Variants in UQCC1 observed in about 807,000 individuals in gnomAD.
UQCC1 encodes bFGF-repressed Zic-binding protein.
A neutral mutation model predicts 48.0 loss-of-function variants in UQCC1; 38 were observed. The ratio of observed to expected loss-of-function variants is 0.79; its 90% CI spans 0.61 to 1.04. The LOEUF is 1.04. Among genes scored for constraint, UQCC1 ranks in the 50% least tolerant of loss-of-function variants. UQCC1 has a pLI of 0.00. For synonymous variants in UQCC1, 111 were observed against 129.2 expected, an observed-to-expected ratio of 0.86 and a Z score of 0.95; for missense variants, 368 against 381.8, an observed-to-expected ratio of 0.96 and a Z score of 0.30.
intron 1 of UQCC1, among the ~76,000 whole-genome samples, chr20:35,407,953 C>A (rs570428299): frequency 2.3e-3 from 350 of 152,086 alleles, no homozygotes; most frequent in African/African-American, 8.3e-3. Flanking sequence ...ACTCAGGAGG[C>A]AGAGGTTGCG....
In UQCC1 at chr20:35,366,655, A is replaced by C. The variant is rs374058744; in HGVS notation, c.407-41T>G. On this transcript the variant is annotated intron_variant, in intron 5 of 9. Transcript: ENST00000374385. ...AAGGTATAAGTATGTGAGGGTTTAA[A>C]GGAAGCATATTGACCATATATTAAA... is the stretch of plus-strand genomic sequence containing the variant. 3 of 1,543,278 alleles carry C rather than the reference A, an allele frequency of 1.9e-6. No individual in the cohort carries two copies. The South Asian group carries it at 3.4e-5, about 17-fold the overall frequency.
intron 1 of UQCC1, among the ~76,000 whole-genome samples, chr20:35,397,627 A>C (rs1392725468): frequency 1.3e-5 from 2 of 152,080 alleles, no homozygotes; most frequent in African/African-American, 4.8e-5. Flanking sequence ...TATAACAACT[A>C]TTTACATAGC....
At chr20:35,319,223 G>T (rs1334922165) in intron 7 of UQCC1, among the ~76,000 whole-genome samples, 5 of 152,188 alleles carry the variant, frequency 3.3e-5, no homozygotes, top group South Asian at 2.1e-4. Flanking sequence ...AAATCAGAGG[G>T]TTAAATGATG....
At chr20:35,373,224 C>T (rs2061754471) in intron 5 of UQCC1, among the ~76,000 whole-genome samples, 1 of 152,140 alleles carries the variant, frequency 6.6e-6, no homozygotes, top group Non-Finnish European at 1.5e-5. Context: ...TTTTGGAAAG[C>T]AATTTATCAA....
intron 4 of UQCC1, among the ~76,000 whole-genome samples, chr20:35,375,643 A>G (rs901124617): frequency 2.0e-5 from 3 of 152,202 alleles, no homozygotes; most frequent in Non-Finnish European, 4.4e-5. Flanking sequence ...TGAAACAGGA[A>G]GATAAAATAC....
chr20:35,396,053 C>T (rs2062074292), intron 1 of UQCC1, among the ~76,000 whole-genome samples: 1 of 147,000 alleles, frequency 6.8e-6, no homozygotes, highest in Admixed American at 7.1e-5. Flanking sequence ...GCCATGATCC[C>T]AGCTCATTGC....
Position 35,371,622 on chromosome 20 carries a change from G to A in UQCC1, c.406+2562C>T, listed in dbSNP as rs755937210. Among the ~76,000 whole-genome samples, 121 of 146,780 alleles carry A rather than the reference G, an allele frequency of 8.2e-4. 1 individual carries two copies. Among genetic ancestry groups the A allele is most frequent in the Non-Finnish European group, 7.0e-4 (47 of 67,058 alleles). On this transcript the variant is annotated intron_variant, in intron 5 of 9. Transcript: ENST00000374385. ...GCTGGGATTACAGGCGTGAGCCACC[G>A]CGCCCAGCCTGAGGATGAGGTTTTA...
At chr20:35,313,374 T>TAA (rs1182863735) in intron 8 of UQCC1, among the ~76,000 whole-genome samples, 597 of 45,338 alleles carry the variant, frequency 0.013, 22 homozygotes, top group African/African-American at 0.034. Flanking sequence ...AGACTCTGTC[T>TAA]AAAAAAAAAA....
chr20:35,324,866 T>G (rs2061174718), intron 7 of UQCC1, among the ~76,000 whole-genome samples: 1 of 152,168 alleles, frequency 6.6e-6, no homozygotes, highest in Non-Finnish European at 1.5e-5. Flanking sequence ...AAGCGGGAAT[T>G]GGAACTGATA....
intron 6 of UQCC1, among the ~76,000 whole-genome samples, chr20:35,352,586 A>G (rs61706804): frequency 0.014 from 2,198 of 152,376 alleles, 50 homozygotes; most frequent in African/African-American, 0.049. Flanking sequence ...GAGTGGTCCC[A>G]TAAGATTATA....
chr20:35,411,594 GAC>G (rs763596842), intron 1 of UQCC1, among the ~76,000 whole-genome samples: 1 of 152,162 alleles, frequency 6.6e-6, no homozygotes, highest in Non-Finnish European at 1.5e-5. Flanking sequence ...ATGCATCAGT[GAC>G]AGTCAGGGAC....
intron 7 of UQCC1, among the ~76,000 whole-genome samples, chr20:35,321,963 G>A (rs1456441773): frequency 6.6e-6 from 1 of 152,178 alleles, no homozygotes; most frequent in Non-Finnish European, 1.5e-5. Flanking sequence ...GAAAACATGA[G>A]AACACATAAT....
chr20:35,323,201 T>A (rs974121930), intron 7 of UQCC1, among the ~76,000 whole-genome samples: 1 of 152,222 alleles, frequency 6.6e-6, no homozygotes, highest in African/African-American at 2.4e-5. Context: ...ATGAGTCATA[T>A]GAGAAATGGA....
intron 1 of UQCC1, among the ~76,000 whole-genome samples, chr20:35,406,462 G>T (rs6088823): frequency 0.52 from 79,509 of 152,038 alleles, 22,460 homozygotes; most frequent in East Asian, 0.71. Flanking sequence ...TCAAAACAAG[G>T]AAAGACAAAG....
At chr20:35,363,936 T>C (rs1568683451) in intron 6 of UQCC1, among the ~76,000 whole-genome samples, 1 of 151,922 alleles carries the variant, frequency 6.6e-6, no homozygotes, top group Non-Finnish European at 1.5e-5. Context: ...GATCCATCAT[T>C]CCTCCTAACA....
chr20:35,398,402 T>C (rs1006686177), intron 1 of UQCC1, among the ~76,000 whole-genome samples: 5 of 152,204 alleles, frequency 3.3e-5, no homozygotes, highest in African/African-American at 1.2e-4. Flanking sequence ...CAGCACAATA[T>C]TAAGTTGAAT....
chr20:35,344,607 CAG>C (rs1226995247), intron 7 of UQCC1: 1 of 152,256 alleles, frequency 6.6e-6, no homozygotes, highest in East Asian at 1.9e-4. Context: ...TGCACTGCTA[CAG>C]AGTTGGGTGG....
intron 2 of UQCC1, among the ~76,000 whole-genome samples, chr20:35,389,352 C>T (rs1193787824): frequency 6.6e-6 from 1 of 152,076 alleles, no homozygotes; most frequent in Non-Finnish European, 1.5e-5. Flanking sequence ...ATCACAAGGT[C>T]AGGAGATGAA....
At chr20:35,400,009 T>C (rs1405593916) in intron 1 of UQCC1, among the ~76,000 whole-genome samples, 47 of 141,492 alleles carry the variant, frequency 3.3e-4, no homozygotes, top group African/African-American at 1.2e-3. Context: ...CACCGCAACC[T>C]TCACCTCCTG....
Sources: gnomAD v4.1 joint callset for allele counts (sites outside exome capture counted in the v4.1 genomes callset) on GRCh38, gnomAD v4.1.1 for gene constraint, MANE v1.5 for transcripts, NCBI Gene and HGNC (gene_info 2026-07-23, HGNC 2026-07-21) for gene names.